Variants in RBFOX1 observed in about 807,000 individuals in gnomAD.
RBFOX1 encodes the protein RNA binding fox-1 homolog 1, also known as RNA binding protein fox-1 homolog 1.
In RBFOX1, 8 loss-of-function variants were observed where a neutral mutation model predicts 57.7. That is an observed-to-expected ratio of 0.14 (90% CI 0.08 to 0.25). The LOEUF (loss-of-function observed/expected upper bound fraction) is 0.25. Ranked by LOEUF, RBFOX1 falls within the 10% of genes least tolerant of loss-of-function variation. The probability of loss-of-function intolerance (pLI) is 1.00; values close to 1 mark genes in which losing one functional copy is unlikely to be tolerated. For missense variants in RBFOX1, 611 were observed against 548.5 expected, an observed-to-expected ratio of 1.11 and a Z score of -1.14; for synonymous variants, 326 against 222.4, an observed-to-expected ratio of 1.47 and a Z score of -4.15.
chr16:5,923,355 C>G (rs2058868272), intron 4 of RBFOX1, among the ~76,000 whole-genome samples: 1 of 152,006 alleles, frequency 6.6e-6, no homozygotes, highest in Admixed American at 6.6e-5. Flanking sequence ...TGGAAGGGGC[C>G]TCACTGAGTC....
At chr16:5,783,166 AAC>A (rs1202695682) in intron 3 of RBFOX1, among the ~76,000 whole-genome samples, 13 of 152,350 alleles carry the variant, frequency 8.5e-5, no homozygotes, top group East Asian at 1.9e-4. Flanking sequence ...TACATGCAAA[AAC>A]ACACAATATT....
At chr16:5,404,182 G>A (rs908309275) in intron 1 of RBFOX1, among the ~76,000 whole-genome samples, 1 of 152,136 alleles carries the variant, frequency 6.6e-6, no homozygotes, top group Non-Finnish European at 1.5e-5. Context: ...TGAGGAATTA[G>A]TTAATTCATA....
intron 1 of RBFOX1, among the ~76,000 whole-genome samples, chr16:6,293,375 T>C (rs995065820): frequency 6.6e-6 from 1 of 152,164 alleles, no homozygotes; most frequent in African/African-American, 2.4e-5. Flanking sequence ...TCCAGCAAAA[T>C]TTAAGCTCGC....
At chr16:7,340,172 G>A (rs2096866445) in intron 4 of RBFOX1, among the ~76,000 whole-genome samples, 1 of 152,132 alleles carries the variant, frequency 6.6e-6, no homozygotes. Context: ...GCCAGATCAG[G>A]GACCTCTTAC....
intron 4 of RBFOX1, among the ~76,000 whole-genome samples, chr16:7,176,543 A>G (rs1407426010): frequency 6.6e-6 from 1 of 152,182 alleles, no homozygotes; most frequent in East Asian, 1.9e-4. Flanking sequence ...ATAGTGGAAC[A>G]CAGCCACACC....
intron 2 of RBFOX1, among the ~76,000 whole-genome samples, chr16:6,493,234 T>G (rs116368583): frequency 1.2e-4 from 19 of 152,236 alleles, no homozygotes; most frequent in Admixed American, 6.5e-4. Context: ...CTGAAAATCA[T>G]TGGATTCACA....
At chr16:5,945,850 C>G (rs1044948816) in intron 4 of RBFOX1, among the ~76,000 whole-genome samples, 7 of 152,182 alleles carry the variant, frequency 4.6e-5, no homozygotes, top group Admixed American at 4.6e-4. Flanking sequence ...TGTGAGAAGT[C>G]TACTCCATCC....
chr16:6,277,930 AG>A (rs2075998197), intron 1 of RBFOX1, among the ~76,000 whole-genome samples: 1 of 152,158 alleles, frequency 6.6e-6, no homozygotes, highest in Non-Finnish European at 1.5e-5. Context: ...TGTCTTTCAC[AG>A]CTCACTTTTA....
At chr16:6,450,850 T>TAA in intron 2 of RBFOX1, among the ~76,000 whole-genome samples, 1 of 52,756 alleles carries the variant, frequency 1.9e-5, no homozygotes, top group Non-Finnish European at 3.7e-5. Flanking sequence ...TATATATATA[T>TAA]ATATATATAT....
At chr16:7,041,439 C>T (rs572997969) in intron 3 of RBFOX1, among the ~76,000 whole-genome samples, 232 of 152,234 alleles carry the variant, frequency 1.5e-3, no homozygotes, top group Non-Finnish European at 2.8e-3. Context: ...ATTCTTTTAA[C>T]CATTTCATTA....
intron 3 of RBFOX1, among the ~76,000 whole-genome samples, chr16:6,854,800 T>G (rs192286597): frequency 2.6e-5 from 4 of 152,100 alleles, no homozygotes; most frequent in African/African-American, 9.6e-5. Context: ...TTCACCATGT[T>G]AGCCAGGATG....
intron 4 of RBFOX1, among the ~76,000 whole-genome samples, chr16:7,257,133 T>C (rs1349734955): frequency 1.3e-5 from 2 of 152,140 alleles, no homozygotes; most frequent in Non-Finnish European, 2.9e-5. Flanking sequence ...CTGAACGAAA[T>C]TGCCTTCGGA....
chr16:7,592,995 G>A (rs1007409786), intron 7 of RBFOX1, among the ~76,000 whole-genome samples: 1 of 121,072 alleles, frequency 8.3e-6, no homozygotes, highest in South Asian at 2.6e-4. Flanking sequence ...TTTTTTTTTT[G>A]GTAGAGGTGA....
At chr16:5,478,953 G>A (rs903253898) in intron 2 of RBFOX1, among the ~76,000 whole-genome samples, 4 of 152,250 alleles carry the variant, frequency 2.6e-5, no homozygotes, top group Middle Eastern at 3.4e-3. Context: ...TAGCTGCAGG[G>A]CACCAGATTA....
intron 4 of RBFOX1, among the ~76,000 whole-genome samples, chr16:7,160,418 T>C (rs1187575945): frequency 6.6e-6 from 1 of 151,766 alleles, no homozygotes; most frequent in Non-Finnish European, 1.5e-5. Context: ...TCCTCCCTTT[T>C]CCTTCCTTCT....
At chr16:6,706,902 A>C (rs915996829) in intron 3 of RBFOX1, among the ~76,000 whole-genome samples, 4 of 152,050 alleles carry the variant, frequency 2.6e-5, no homozygotes, top group South Asian at 2.1e-4. Flanking sequence ...TGTTTTTTGC[A>C]ATATTGCTAG....
intron 3 of RBFOX1, among the ~76,000 whole-genome samples, chr16:6,801,134 A>G (rs1268584337): frequency 1.3e-5 from 2 of 150,666 alleles, no homozygotes; most frequent in East Asian, 2.0e-4. Context: ...CATTTCTGAT[A>G]TGCTCCTAGG....
intron 2 of RBFOX1, among the ~76,000 whole-genome samples, chr16:5,542,037 A>G (rs2044976394): frequency 6.6e-6 from 1 of 152,162 alleles, no homozygotes; most frequent in Admixed American, 6.6e-5. Flanking sequence ...ATCAAAATAT[A>G]TACTGATTTT....
At chr16:7,665,243 A>C (rs1027966117) in intron 13 of RBFOX1, among the ~76,000 whole-genome samples, 1 of 152,174 alleles carries the variant, frequency 6.6e-6, no homozygotes, top group South Asian at 2.1e-4. Flanking sequence ...ATGCCAACTA[A>C]AGACCCCACT....
Sources: gnomAD v4.1 joint callset for allele counts (sites outside exome capture counted in the v4.1 genomes callset) on GRCh38, gnomAD v4.1.1 for gene constraint, MANE v1.5 for transcripts, NCBI Gene and HGNC (gene_info 2026-07-23, HGNC 2026-07-21) for gene names.